The following DMXL1 variants were observed in gnomAD, a reference collection of about 807,000 sequenced individuals.
The protein encoded by DMXL1 is dmX-like protein 1.
In DMXL1, 99 loss-of-function variants were observed where a neutral mutation model predicts 319.2. The ratio of observed to expected loss-of-function variants is 0.31; its 90% CI spans 0.26 to 0.37. The LOEUF (loss-of-function observed/expected upper bound fraction) is 0.37, where lower values mean the gene tolerates loss of function less well. Among genes scored for constraint, DMXL1 ranks in the 10% least tolerant of loss-of-function variants. The pLI is 1.00. For synonymous variants in DMXL1, 1,385 were observed against 1,235.2 expected (o/e 1.12, Z -2.54); for missense variants, 3,745 against 3,595.6 (o/e 1.04, Z -1.06).
intron 9 of DMXL1, among the ~76,000 whole-genome samples, chr5:119,124,814 G>T (rs1318939713): frequency 6.6e-6 from 1 of 152,056 alleles, no homozygotes; most frequent in Non-Finnish European, 1.5e-5. Flanking sequence ...TGATCTGCCT[G>T]CCTTGGCCTC....
chr5:119,103,863 T>A (rs1225883519), intron 3 of DMXL1, among the ~76,000 whole-genome samples: 1 of 152,164 alleles, frequency 6.6e-6, no homozygotes, highest in African/African-American at 2.4e-5. Flanking sequence ...AATAGAGAAT[T>A]TCAATGTTTG....
At position 119,220,963 on chromosome 5, in the gene DMXL1, A is replaced by C. The variant is rs1367879691; in HGVS notation, c.8159A>C (p.His2720Pro). ...TKGSEDFLVI[H>P]ARDDLTAVQG... ...AGATCAGAAGATTTCTTGGTTATAC[A>C]TGCTCGTGATGATTTAACAGCTGTT... Residue 2720 changes from histidine (H) to proline (P), a missense_variant, in exon 37 of 44, where the codon CAT (histidine) becomes CCT (proline). This residue lies in a region of DMXL1 where 1,382 missense variants were observed against 1,269.5 expected (regional missense o/e 1.09). Transcript: ENST00000539542. 1.9e-6 allele frequency: 3 copies of C among 1,613,442 alleles called. No homozygotes were observed. The highest frequency in any genetic ancestry group is 2.2e-5 in the East Asian group (1 of 44,866).
intron 32 of DMXL1, among the ~76,000 whole-genome samples, chr5:119,198,299 T>A (rs1380206726): frequency 6.6e-6 from 1 of 152,200 alleles, no homozygotes; most frequent in Non-Finnish European, 1.5e-5. Context: ...TGAATACTGT[T>A]TTTAAGATAG....
intron 34 of DMXL1, among the ~76,000 whole-genome samples, chr5:119,212,983 C>G (rs1201001183): frequency 1.3e-5 from 2 of 152,128 alleles, no homozygotes; most frequent in Admixed American, 6.5e-5. Context: ...TTAAACCCAA[C>G]TTTTTGTCCT....
At chr5:119,203,269 A>G in intron 32 of DMXL1, 50 bp from the exon 33 acceptor site, 1 of 1,174,986 alleles carries the variant, frequency 8.5e-7, no homozygotes, top group African/African-American at 1.5e-5. Flanking sequence ...TTATCAAGTT[A>G]GTCAGAAATT....
intron 13 of DMXL1, among the ~76,000 whole-genome samples, chr5:119,141,932 A>G (rs1035179006): frequency 2.6e-5 from 4 of 151,770 alleles, no homozygotes; most frequent in Admixed American, 1.3e-4. Flanking sequence ...GACCAATGGA[A>G]CACAATAGAG....
rs753615789 is a variant in DMXL1, at chr5:119,133,278, A to G, written c.1462A>G (p.Lys488Glu). The change falls in exon 11 of 44, where the codon AAA (lysine) becomes GAA (glutamate). Residue 488 changes from lysine (K) to glutamate (E), a missense_variant. Lys to Glu is a moderately conservative substitution (Grantham distance 56, BLOSUM62 1). Transcript: ENST00000539542. ...TGAAGTACTTCTGTCTGAATGGAGT[A>G]AAAATGCAGATATGCTATTTAGTAT... ...QIEVLLSEWS[K>E]NADMLFSIHP... 16 of 1,614,052 alleles carry G rather than the reference A, an allele frequency of 9.9e-6. No homozygotes were observed. The highest frequency in any genetic ancestry group is 1.7e-5 in the Admixed American group (1 of 60,004).
chr5:119,129,326 G>T lies in DMXL1; in HGVS notation c.1218G>T (p.Met406Ile), dbSNP rs1230241898. The T allele has an allele frequency of 6.2e-7, 1 of 1,613,584 alleles. No homozygotes were observed. The highest frequency in any genetic ancestry group is 8.5e-7 in the Non-Finnish European group (1 of 1,179,834). ...AAGAACTGCATTTTACTTTGTCCATGGAAGTTTTTTTACAGCAACTTAGAA... is the reference window on the plus strand; with the variant it reads ...AAGAACTGCATTTTACTTTGTCCATTGAAGTTTTTTTACAGCAACTTAGAA... Reference protein sequence around the residue: ...NNKELHFTLSMEVFLQQLRKS... With the variant: ...NNKELHFTLSIEVFLQQLRKS... Residue 406 changes from methionine to isoleucine, a missense_variant, in exon 10 of 44, where the codon ATG (methionine) becomes ATT (isoleucine). This residue lies in a region of DMXL1 where 2,096 missense variants were observed against 1,985.4 expected (regional missense o/e 1.06). Coordinates refer to ENST00000539542, the MANE Select transcript of DMXL1 (RefSeq NM_001290321.3).
chr5:119,171,982 G>T lies in DMXL1; in HGVS notation c.6681+13G>T, dbSNP rs1464669953. 2.2e-5 allele frequency: 35 copies of T among 1,592,746 alleles called. 1 individual carries two copies. The highest frequency in any genetic ancestry group is 2.8e-5 in the Non-Finnish European group (33 of 1,169,390). ...CCAAAGCAATAAAGTAAGTATGCTTGGTTTCAAGCTTTTACTTCATCTGTA... is the reference window on the plus strand; with the variant it reads ...CCAAAGCAATAAAGTAAGTATGCTTTGTTTCAAGCTTTTACTTCATCTGTA... On this transcript the variant is annotated intron_variant, in intron 25 of 43. Coordinates refer to ENST00000539542, the MANE Select transcript of DMXL1 (RefSeq NM_001290321.3).
chr5:119,119,723 C>T (rs1225136648), intron 8 of DMXL1, among the ~76,000 whole-genome samples: 1 of 151,908 alleles, frequency 6.6e-6, no homozygotes, highest in African/African-American at 2.4e-5. Context: ...TTTGCCAGGG[C>T]TGGTCTCGAA....
chr5:119,128,046 T>G, intron 9 of DMXL1: 1 of 437,032 alleles, frequency 2.3e-6, no homozygotes, highest in South Asian at 1.9e-5. Context: ...TAGGTGGTCC[T>G]CAATTTACTA....
intron 6 of DMXL1, among the ~76,000 whole-genome samples, chr5:119,115,761 A>G (rs1328732403): frequency 6.6e-6 from 1 of 152,180 alleles, no homozygotes; most frequent in East Asian, 1.9e-4. Context: ...TCACATGAAA[A>G]TTCATGAAAA....
chr5:119,235,049 A>T (rs1787487751), intron 39 of DMXL1, among the ~76,000 whole-genome samples: 1 of 152,120 alleles, frequency 6.6e-6, no homozygotes, highest in Non-Finnish European at 1.5e-5. Context: ...GCCTTGACGA[A>T]GTCTAATAGC....
At chr5:119,100,195 C>T (rs1334252459) in intron 2 of DMXL1, among the ~76,000 whole-genome samples, 2 of 151,814 alleles carry the variant, frequency 1.3e-5, no homozygotes, top group Non-Finnish European at 2.9e-5. Context: ...CTTTGGGAAG[C>T]CGAGGCAGGT....
rs70982467 is a variant in DMXL1, at chr5:119,089,999, C to CTTTTTTTTTTTTTTTT, written c.88-7957_88-7942dup. Among the ~76,000 whole-genome samples the CTTTTTTTTTTTTTTTT allele has an allele frequency of 1.2e-3, 40 of 34,400 alleles. 12 individuals carry two copies. Among genetic ancestry groups the CTTTTTTTTTTTTTTTT allele is most frequent in the Non-Finnish European group, 1.8e-3 (33 of 18,758 alleles). 22.6% of individuals were successfully genotyped at this position (34,400 alleles called of 152,430 possible). On this transcript the variant is annotated intron_variant, in intron 1 of 43. Coordinates refer to ENST00000539542, the MANE Select transcript of DMXL1 (RefSeq NM_001290321.3). ...TGATTATTTTATGCTTCGGGTTAGT[C>CTTTTTTTTTTTTTTTT]TTTTTTTTTTTTTTTTTTTTTTTTT...
chr5:119,132,994 C>A, intron 10 of DMXL1, 138 bp from the exon 11 acceptor site: 1 of 792,434 alleles, frequency 1.3e-6, no homozygotes. Flanking sequence ...TGAGGTGTGG[C>A]GGAAGGGGTA....
chr5:119,220,989 C>T lies in DMXL1; in HGVS notation c.8185C>T (p.Gln2729Ter). Residue 2729 changes from glutamine to a stop codon, truncating the protein, a stop_gained, in exon 37 of 44, where the codon CAA becomes TAA. Coordinates refer to ENST00000539542, the MANE Select transcript of DMXL1 (RefSeq NM_001290321.3). LOFTEE classifies it high-confidence loss of function. ...IHARDDLTAVQGTTPYTHSNP... is the reference protein window; with the variant it reads ...IHARDDLTAV The stretch of plus-strand genomic sequence containing the variant: ...TGCTCGTGATGATTTAACAGCTGTT[C>T]AAGGTACAACTCCATATACACATAG... 1 of 1,613,686 alleles carries T rather than the reference C, an allele frequency of 6.2e-7. No individual in the cohort carries two copies. The highest frequency in any genetic ancestry group is 8.5e-7 in the Non-Finnish European group (1 of 1,179,740).
chr5:119,212,318 T>C (rs940748664), intron 34 of DMXL1, among the ~76,000 whole-genome samples: 1 of 152,234 alleles, frequency 6.6e-6, no homozygotes, highest in Non-Finnish European at 1.5e-5. Flanking sequence ...AGTTATCCTT[T>C]TGTGACTAGT....
chr5:119,127,992 C>A, intron 9 of DMXL1: 1 of 405,780 alleles, frequency 2.5e-6, no homozygotes, highest in South Asian at 2.1e-5. Context: ...ACCCTGCACC[C>A]TGTTATGAGG....
Sources: gnomAD v4.1 joint callset for allele counts (sites outside exome capture counted in the v4.1 genomes callset) on GRCh38, gnomAD v4.1.1 for gene constraint, gnomAD v4.1.1 regional missense constraint, MANE v1.5 for transcripts, NCBI Gene and HGNC (gene_info 2026-07-23, HGNC 2026-07-21) for gene names.